Variants in IKZF3 observed in about 807,000 individuals in gnomAD.
The protein encoded by IKZF3 is IKAROS family zinc finger 3.
Under a neutral mutation model 49.0 loss-of-function variants are expected in IKZF3, and 10 were observed. The ratio of observed to expected loss-of-function variants is 0.20; its 90% confidence interval spans 0.13 to 0.35. The LOEUF (loss-of-function observed/expected upper bound fraction) is 0.35. Ranked by LOEUF, IKZF3 falls within the 10% of genes least tolerant of loss-of-function variation. IKZF3 has a pLI of 1.00. For synonymous variants in IKZF3, 209 were observed against 228.2 expected (o/e 0.92, Z 0.76); for missense variants, 498 against 664.8 (o/e 0.75, Z 2.76).
At chr17:39,823,003 A>G (rs569185817) in intron 3 of IKZF3, among the ~76,000 whole-genome samples, 3 of 152,314 alleles carry the variant, frequency 2.0e-5, no homozygotes, top group Admixed American at 2.0e-4. Flanking sequence ...GGTAAAAGAC[A>G]GAGGTTGGAA....
chr17:39,817,244 T>C (rs1465759618), intron 3 of IKZF3, among the ~76,000 whole-genome samples: 1 of 152,196 alleles, frequency 6.6e-6, no homozygotes, highest in African/African-American at 2.4e-5. Context: ...ACATTAAACA[T>C]GATTGCAATT....
chr17:39,763,187 T>C lies in IKZF3; in HGVS notation c.*2603A>G, dbSNP rs995327133. The C allele has an allele frequency of 7.2e-5, 11 of 152,180 alleles. No homozygotes were observed. Among genetic ancestry groups the C allele is most frequent in the African/African-American group, 2.7e-4 (11 of 41,454 alleles). 9.4% of individuals were successfully genotyped at this position (152,180 alleles called of 1,614,324 possible). On this transcript the variant is annotated 3_prime_UTR_variant, in exon 8 of 8. Coordinates refer to ENST00000346872, the MANE Select transcript of IKZF3 (RefSeq NM_012481.5). ...ATTCCTTTAGCTGAAGTCTCAAACATGTTGGGACTGTTGCCATGGAATTTC... is the reference window on the plus strand; with the variant it reads ...ATTCCTTTAGCTGAAGTCTCAAACACGTTGGGACTGTTGCCATGGAATTTC...
At chr17:39,831,401 T>C (rs1277945372) in intron 2 of IKZF3, among the ~76,000 whole-genome samples, 1 of 151,792 alleles carries the variant, frequency 6.6e-6, no homozygotes, top group Non-Finnish European at 1.5e-5. Context: ...AAGAAAGATG[T>C]GATTACAAGT....
At chr17:39,791,690 C>T in intron 4 of IKZF3, 107 bp from the exon 5 acceptor site, 1 of 1,142,906 alleles carries the variant, frequency 8.7e-7, no homozygotes, top group South Asian at 1.4e-5. Context: ...AATTACTGTT[C>T]ACATTGGGAT....
chr17:39,774,384 A>T (rs2060524735), intron 7 of IKZF3, among the ~76,000 whole-genome samples: 1 of 151,364 alleles, frequency 6.6e-6, no homozygotes. Flanking sequence ...GGAGGAGAGG[A>T]GGGAAGAGGA....
At chr17:39,777,864 T>G (rs1272724152) in intron 6 of IKZF3, 97 bp from the exon 7 acceptor site, 22 of 1,540,648 alleles carry the variant, frequency 1.4e-5, no homozygotes, top group Non-Finnish European at 1.7e-5. Context: ...CGAAGTTGGA[T>G]GCACACTCTA....
intron 1 of IKZF3, among the ~76,000 whole-genome samples, chr17:39,841,112 G>A (rs937997234): frequency 6.6e-6 from 1 of 152,126 alleles, no homozygotes; most frequent in Non-Finnish European, 1.5e-5. Context: ...TGGAAGTCGA[G>A]GCTGCAGTGA....
intron 3 of IKZF3, among the ~76,000 whole-genome samples, chr17:39,806,132 GA>G (rs2061427091): frequency 6.6e-6 from 1 of 152,106 alleles, no homozygotes; most frequent in African/African-American, 2.4e-5. Flanking sequence ...CAAGTAATTT[GA>G]CTTCCGTGAA....
Position 39,849,329 on chromosome 17 carries a change from C to T in IKZF3, c.7+14791G>A, listed in dbSNP as rs28882824. Among the ~76,000 whole-genome samples, 362 of 144,012 alleles carry T rather than the reference C, an allele frequency of 2.5e-3. 5 individuals are homozygous for T. The highest frequency in any genetic ancestry group is 8.8e-3 in the African/African-American group (338 of 38,290). 94.5% of individuals were successfully genotyped at this position (144,012 alleles called of 152,430 possible). ...CACCTGGAAAAAAAAAAAAAAAGCCCACAAAATCAGTATGAAAAAAGACAA... is the reference window on the plus strand; with the variant it reads ...CACCTGGAAAAAAAAAAAAAAAGCCTACAAAATCAGTATGAAAAAAGACAA... On this transcript the variant is annotated intron_variant, in intron 1 of 7. Coordinates refer to ENST00000346872, the MANE Select transcript of IKZF3 (RefSeq NM_012481.5).
At chr17:39,823,974 AG>A (rs2144229534) in intron 3 of IKZF3, among the ~76,000 whole-genome samples, 1 of 152,284 alleles carries the variant, frequency 6.6e-6, no homozygotes, top group South Asian at 2.1e-4. Flanking sequence ...CTGTTAGAAG[AG>A]GGCCACCATC....
At chr17:39,835,480 T>C in intron 1 of IKZF3, 1 of 448,130 alleles carries the variant, frequency 2.2e-6, no homozygotes. Flanking sequence ...CCAGTTTATC[T>C]TGGAGATCTC....
intron 6 of IKZF3, among the ~76,000 whole-genome samples, chr17:39,781,789 T>C (rs887037181): frequency 6.6e-6 from 1 of 152,218 alleles, no homozygotes; most frequent in Non-Finnish European, 1.5e-5. Context: ...TCACCTTTTA[T>C]TCCTCGTTAC....
At chr17:39,780,081 G>A (rs965287207) in intron 6 of IKZF3, among the ~76,000 whole-genome samples, 1 of 152,098 alleles carries the variant, frequency 6.6e-6, no homozygotes, top group Non-Finnish European at 1.5e-5. Flanking sequence ...GCATGCGCCT[G>A]TAGTCCTAGC....
At chr17:39,852,100 G>A (rs2144529228) in intron 1 of IKZF3, among the ~76,000 whole-genome samples, 1 of 152,216 alleles carries the variant, frequency 6.6e-6, no homozygotes, top group Admixed American at 6.5e-5. Flanking sequence ...TGCAAATTGG[G>A]ATTTCAAAAT....
chr17:39,791,722 G>T, intron 4 of IKZF3, 139 bp from the exon 5 acceptor site: 1 of 845,724 alleles, frequency 1.2e-6, no homozygotes, highest in African/African-American at 1.7e-5. Flanking sequence ...TGCATTTCAA[G>T]GCAAGCCTAA....
intron 3 of IKZF3, among the ~76,000 whole-genome samples, chr17:39,828,857 C>T (rs1175484575): frequency 3.3e-5 from 5 of 151,930 alleles, no homozygotes; most frequent in Admixed American, 6.6e-5. Flanking sequence ...AAAAATTAGC[C>T]GGGCATGGTG....
intron 3 of IKZF3, among the ~76,000 whole-genome samples, chr17:39,829,141 A>T (rs918528239): frequency 6.6e-6 from 1 of 152,238 alleles, no homozygotes; most frequent in Non-Finnish European, 1.5e-5. Flanking sequence ...TATAATGGAA[A>T]ATAGTCAAAC....
chr17:39,863,787 A>G (rs1300461745), intron 1 of IKZF3, among the ~76,000 whole-genome samples: 3 of 123,080 alleles, frequency 2.4e-5, no homozygotes, highest in East Asian at 2.0e-4. Flanking sequence ...AAAAATATCC[A>G]AAAGGGTTGA....
At chr17:39,832,894 G>A (rs771650641) in intron 1 of IKZF3, among the ~76,000 whole-genome samples, 17 of 151,992 alleles carry the variant, frequency 1.1e-4, no homozygotes, top group Admixed American at 4.6e-4. Flanking sequence ...CCAACACATA[G>A]AAATGATAAA....
Sources: allele counts gnomAD v4.1 joint callset (sites outside exome capture counted in the v4.1 genomes callset), GRCh38; gene constraint gnomAD v4.1.1; transcripts MANE v1.5; gene names NCBI Gene and HGNC (gene_info 2026-07-23, HGNC 2026-07-21).